Variants in MAGI2 observed in about 807,000 individuals in gnomAD.
MAGI2 encodes the protein membrane-associated guanylate kinase, WW and PDZ domain-containing protein 2.
Under a neutral mutation model 133.3 loss-of-function variants are expected in MAGI2, and 35 were observed. The observed-to-expected ratio is 0.26, with a 90% confidence interval of 0.20 to 0.35. The LOEUF (loss-of-function observed/expected upper bound fraction) is 0.35. MAGI2 is among the 10% of genes least tolerant of loss of function. MAGI2 has a pLI of 1.00. For missense variants in MAGI2, 1,636 were observed against 1,863.4 expected (o/e 0.88, Z 2.25); for synonymous variants, 729 against 710.6 (o/e 1.03, Z -0.41).
intron 2 of MAGI2, among the ~76,000 whole-genome samples, chr7:78,899,723 G>C (rs1323390000): frequency 1.3e-5 from 2 of 152,116 alleles, no homozygotes; most frequent in South Asian, 2.1e-4. Flanking sequence ...GAGTGGGGCT[G>C]AGTGTATTTT....
intron 2 of MAGI2, among the ~76,000 whole-genome samples, chr7:78,917,099 C>T (rs901669563): frequency 3.3e-5 from 5 of 151,950 alleles, no homozygotes; most frequent in South Asian, 2.1e-4. Flanking sequence ...AGTTACACAC[C>T]GCTATTCAAG....
At chr7:78,071,297 A>G (rs1428529158) in intron 21 of MAGI2, among the ~76,000 whole-genome samples, 1 of 152,124 alleles carries the variant, frequency 6.6e-6, no homozygotes, top group African/African-American at 2.4e-5. Context: ...GCACTTTGGG[A>G]GGCTAAGGAG....
intron 3 of MAGI2, among the ~76,000 whole-genome samples, chr7:78,536,470 G>A (rs1015942680): frequency 2.0e-5 from 3 of 152,066 alleles, no homozygotes; most frequent in East Asian, 3.9e-4. Flanking sequence ...TCTGAGCCCC[G>A]GGCAAGGAGA....
chr7:78,719,790 C>T (rs1028545334), intron 2 of MAGI2, among the ~76,000 whole-genome samples: 25 of 152,268 alleles, frequency 1.6e-4, no homozygotes, highest in Admixed American at 1.4e-3. Flanking sequence ...ACATACCTTT[C>T]CTGTGGACAG....
intron 6 of MAGI2, among the ~76,000 whole-genome samples, chr7:78,372,855 G>A (rs117762398): frequency 0.054 from 8,197 of 152,152 alleles, 320 homozygotes; most frequent in South Asian, 0.095. Context: ...TCTTTAGTCA[G>A]CTACACTTTC....
At chr7:79,257,332 T>C (rs1833763563) in intron 1 of MAGI2, among the ~76,000 whole-genome samples, 4 of 152,130 alleles carry the variant, frequency 2.6e-5, no homozygotes, top group South Asian at 2.1e-4. Context: ...CTCACAGATA[T>C]CTGAGTGATA....
intron 14 of MAGI2, among the ~76,000 whole-genome samples, chr7:78,173,450 A>C (rs1323758083): frequency 2.6e-5 from 4 of 152,184 alleles, no homozygotes; most frequent in Admixed American, 2.6e-4. Flanking sequence ...ATATCTACAG[A>C]ATGGGGTGCT....
chr7:78,272,489 T>C (rs558116787), intron 9 of MAGI2, among the ~76,000 whole-genome samples: 1 of 152,192 alleles, frequency 6.6e-6, no homozygotes, highest in South Asian at 2.1e-4. Context: ...AAGTCCTGGA[T>C]ATCTTTGTTA....
chr7:78,860,546 G>T (rs1290844228), intron 2 of MAGI2, among the ~76,000 whole-genome samples: 1 of 152,150 alleles, frequency 6.6e-6, no homozygotes, highest in Non-Finnish European at 1.5e-5. Context: ...ACCAGCGGAG[G>T]CTGCAGAAAA....
intron 6 of MAGI2, among the ~76,000 whole-genome samples, chr7:78,470,330 T>A (rs1791067736): frequency 6.6e-6 from 1 of 152,132 alleles, no homozygotes; most frequent in Admixed American, 6.6e-5. Context: ...GAAACTATGT[T>A]TAACCAGCAC....
chr7:78,310,232 C>T (rs1052979185), intron 9 of MAGI2, among the ~76,000 whole-genome samples: 7 of 151,988 alleles, frequency 4.6e-5, no homozygotes, highest in Admixed American at 1.3e-4. Context: ...GTCAAGAGAT[C>T]GAGATCATCC....
chr7:79,006,744 T>G (rs2116519560), intron 2 of MAGI2: 1 of 175,380 alleles, frequency 5.7e-6, no homozygotes, highest in South Asian at 1.9e-4. Flanking sequence ...TAAATTAAAT[T>G]TGCATTCTCC....
At chr7:79,407,718 A>G (rs1347380361) in intron 1 of MAGI2, among the ~76,000 whole-genome samples, 2 of 152,158 alleles carry the variant, frequency 1.3e-5, no homozygotes, top group African/African-American at 2.4e-5. Flanking sequence ...ATATGACCAT[A>G]AATGTGTCAT....
At chr7:78,781,271 C>T (rs377433912) in intron 2 of MAGI2, among the ~76,000 whole-genome samples, 1 of 147,474 alleles carries the variant, frequency 6.8e-6, no homozygotes, top group Non-Finnish European at 1.5e-5. Flanking sequence ...CCCAGCTACT[C>T]GGGAGGCTGA....
intron 3 of MAGI2, among the ~76,000 whole-genome samples, chr7:78,543,667 A>T (rs1223689407): frequency 6.6e-6 from 1 of 152,192 alleles, no homozygotes; most frequent in Non-Finnish European, 1.5e-5. Context: ...CCGTTACTTC[A>T]TGTCACTATG....
At chr7:79,313,618 A>C (rs1838466892) in intron 1 of MAGI2, among the ~76,000 whole-genome samples, 1 of 152,204 alleles carries the variant, frequency 6.6e-6, no homozygotes, top group Non-Finnish European at 1.5e-5. Context: ...AAAAACCAGG[A>C]TAAAGATAAT....
At chr7:78,575,984 CAG>C (rs1453461277) in intron 3 of MAGI2, among the ~76,000 whole-genome samples, 8 of 152,000 alleles carry the variant, frequency 5.3e-5, no homozygotes, top group Non-Finnish European at 7.4e-5. Flanking sequence ...TGCAAGATAA[CAG>C]AGAAAATTGG....
intron 1 of MAGI2, 25 bp from the exon 2 acceptor site, chr7:79,007,231 T>A: frequency 7.2e-7 from 1 of 1,386,344 alleles, no homozygotes; most frequent in Non-Finnish European, 1.0e-6. Context: ...AGTTTCTTGG[T>A]AAGGGATGTT....
chr7:78,125,646 G>C, intron 20 of MAGI2, 48 bp downstream of exon 20: 1 of 1,597,856 alleles, frequency 6.3e-7, no homozygotes, highest in Non-Finnish European at 8.6e-7. Context: ...ACCACAGTCG[G>C]TTTTTCTTTC....
Sources: gnomAD v4.1 joint callset for allele counts (sites outside exome capture counted in the v4.1 genomes callset) on GRCh38, gnomAD v4.1.1 for gene constraint, MANE v1.5 for transcripts, NCBI Gene and HGNC (gene_info 2026-07-23, HGNC 2026-07-21) for gene names.